Variants in DOCK8 observed in about 807,000 individuals in gnomAD.
DOCK8 encodes the protein dedicator of cytokinesis protein 8.
In DOCK8, 141 loss-of-function variants were observed where a neutral mutation model predicts 245.6. The ratio of observed to expected loss-of-function variants is 0.57; its 90% CI spans 0.50 to 0.66. The LOEUF is 0.66. Ranked by LOEUF, DOCK8 falls within the 30% of genes least tolerant of loss-of-function variation. DOCK8 has a pLI of 0.00. For missense variants in DOCK8, 2,965 were observed against 2,603.4 expected (o/e 1.14, Z -3.02); for synonymous variants, 1,168 against 970.2 (o/e 1.20, Z -3.79).
chr9:296,640 C>T (rs1252480988), intron 4 of DOCK8, among the ~76,000 whole-genome samples: 1 of 152,202 alleles, frequency 6.6e-6, no homozygotes, highest in Non-Finnish European at 1.5e-5. Flanking sequence ...AATTCAGTTA[C>T]TCCCAGAACA....
chr9:419,395 A>C (rs1413309583), intron 30 of DOCK8, among the ~76,000 whole-genome samples: 1 of 152,122 alleles, frequency 6.6e-6, no homozygotes, highest in Admixed American at 6.5e-5. Flanking sequence ...CCTTTCTAAT[A>C]TCCGTCTTAC....
At chr9:405,235 C>A in intron 27 of DOCK8, 162 bp downstream of exon 27, 1 of 724,576 alleles carries the variant, frequency 1.4e-6, no homozygotes, top group Non-Finnish European at 2.3e-6. Flanking sequence ...ACACCACTAG[C>A]TAAGAATTAA....
chr9:427,539 A>G (rs555569704), intron 34 of DOCK8, among the ~76,000 whole-genome samples: 3 of 152,284 alleles, frequency 2.0e-5, no homozygotes, highest in African/African-American at 7.2e-5. Flanking sequence ...TTTATCTTCT[A>G]TGTGATTATT....
intron 24 of DOCK8, among the ~76,000 whole-genome samples, chr9:392,324 G>C (rs1564001266): frequency 6.6e-6 from 1 of 152,142 alleles, no homozygotes; most frequent in Non-Finnish European, 1.5e-5. Context: ...ATGTGGAATA[G>C]AGTTCAGAAG....
intron 32 of DOCK8, 33 bp downstream of exon 32, chr9:421,111 C>T (rs759759650): frequency 1.2e-6 from 2 of 1,613,168 alleles, no homozygotes; most frequent in African/African-American, 2.7e-5. Flanking sequence ...TGCTCTCTGT[C>T]AAGCAGTTTT....
At chr9:344,737 T>C (rs984512080) in intron 14 of DOCK8, among the ~76,000 whole-genome samples, 1 of 152,184 alleles carries the variant, frequency 6.6e-6, no homozygotes, top group African/African-American at 2.4e-5. Context: ...TGGATTAGTC[T>C]TATCACTCCC....
intron 1 of DOCK8, among the ~76,000 whole-genome samples, chr9:218,957 G>C (rs146637317): frequency 1.2e-3 from 189 of 152,260 alleles, no homozygotes; most frequent in African/African-American, 4.3e-3. Flanking sequence ...GTGCAGAGAA[G>C]ATATAGAAAT....
intron 7 of DOCK8, among the ~76,000 whole-genome samples, chr9:322,534 C>A (rs72499151): frequency 0.11 from 16,202 of 147,920 alleles, 1,383 homozygotes; most frequent in Admixed American, 0.15. Context: ...ACCTTGCTTT[C>A]CTGGTGTGTT....
chr9:211,463 G>C (rs932718164), upstream of DOCK8, among the ~76,000 whole-genome samples: 19 of 152,146 alleles, frequency 1.2e-4, no homozygotes, highest in African/African-American at 4.6e-4. Context: ...ACTTCATCTA[G>C]TGATAGAAAC....
chr9:428,313 C>G, intron 34 of DOCK8, 49 bp from the exon 35 acceptor site: 1 of 1,613,216 alleles, frequency 6.2e-7, no homozygotes, highest in Non-Finnish European at 8.5e-7. Flanking sequence ...ACATCCAGTT[C>G]ATTGGCACAG....
chr9:390,392 A>C (rs959861325), intron 23 of DOCK8, 79 bp from the exon 24 acceptor site: 5 of 1,296,052 alleles, frequency 3.9e-6, no homozygotes, highest in African/African-American at 2.9e-5. Context: ...AATTGGGGGG[A>C]ATAAAAGAAA....
chr9:318,726 C>T (rs2050456277), intron 7 of DOCK8, among the ~76,000 whole-genome samples: 1 of 152,224 alleles, frequency 6.6e-6, no homozygotes, highest in African/African-American at 2.4e-5. Flanking sequence ...TGGGAGCTTC[C>T]TCATCTGTCT....
chr9:241,185 A>G lies in DOCK8; in HGVS notation c.53+26156A>G, dbSNP rs189591920. Among the ~76,000 whole-genome samples, 12 of 152,308 alleles carry G rather than the reference A, an allele frequency of 7.9e-5. No homozygotes were observed. The East Asian group carries it at 2.3e-3, about 29-fold the overall frequency. On this transcript the variant is annotated intron_variant, in intron 1 of 47. Coordinates refer to ENST00000432829, the MANE Select transcript of DOCK8 (RefSeq NM_203447.4). ...TAATTATAGTGATCAGATCAGGACA[A>G]TTAGCATATCCATCATCTCAAACTC...
At chr9:307,876 A>T (rs2049921918) in intron 5 of DOCK8, among the ~76,000 whole-genome samples, 1 of 152,240 alleles carries the variant, frequency 6.6e-6, no homozygotes, top group Non-Finnish European at 1.5e-5. Flanking sequence ...ATAGAATACT[A>T]TTCAGCCATA....
At chr9:344,024 G>A (rs1208004781) in intron 14 of DOCK8, among the ~76,000 whole-genome samples, 2 of 152,314 alleles carry the variant, frequency 1.3e-5, no homozygotes, top group East Asian at 3.9e-4. Flanking sequence ...AGTCTGGACG[G>A]ATTACAATGG....
chr9:235,771 G>A (rs112762772), intron 1 of DOCK8, among the ~76,000 whole-genome samples: 5 of 152,128 alleles, frequency 3.3e-5, no homozygotes, highest in African/African-American at 1.2e-4. Context: ...TATTAGGGTG[G>A]GAGTGACCCG....
chr9:407,755 G>A (rs186911660), intron 28 of DOCK8, among the ~76,000 whole-genome samples: 9 of 152,100 alleles, frequency 5.9e-5, no homozygotes, highest in African/African-American at 1.7e-4. Context: ...TATTCATTCC[G>A]TTCAACAATT....
intron 1 of DOCK8, among the ~76,000 whole-genome samples, chr9:226,817 C>T (rs1397682084): frequency 1.3e-5 from 2 of 152,060 alleles, no homozygotes; most frequent in African/African-American, 4.8e-5. Flanking sequence ...ATCTGAAACT[C>T]AGGGGAGAAG....
At chr9:277,454 AAAG>A (rs370524284) in intron 2 of DOCK8, among the ~76,000 whole-genome samples, 1 of 63,528 alleles carries the variant, frequency 1.6e-5, no homozygotes, top group South Asian at 6.9e-4. Context: ...AGGAGAAGAG[AAAG>A]AGAGAAGAGA....
Sources: allele counts gnomAD v4.1 joint callset (sites outside exome capture counted in the v4.1 genomes callset), GRCh38; gene constraint gnomAD v4.1.1; transcripts MANE v1.5; gene names NCBI Gene and HGNC (gene_info 2026-07-23, HGNC 2026-07-21).